The following RNGTT variants were observed in gnomAD, a reference collection of about 807,000 sequenced individuals.
RNGTT encodes RNA guanylyltransferase and 5'-phosphatase.
RNGTT carries 33 observed loss-of-function variants against 79.3 expected under a neutral mutation model. The observed-to-expected ratio is 0.42, with a 90% CI of 0.32 to 0.56. RNGTT has a LOEUF of 0.56. Among genes scored for constraint, RNGTT ranks in the 20% least tolerant of loss-of-function variants. The pLI is 0.17. For missense variants in RNGTT, 497 were observed against 739.1 expected (o/e 0.67, Z 3.80); for synonymous variants, 222 against 235.9 (o/e 0.94, Z 0.54).
intron 13 of RNGTT, among the ~76,000 whole-genome samples, chr6:88,749,935 G>A (rs1159310705): frequency 6.6e-6 from 1 of 152,082 alleles, no homozygotes; most frequent in African/African-American, 2.4e-5. Flanking sequence ...GCAATCCTTT[G>A]TGTTTCTTGA....
At chr6:88,720,625 G>A (rs935212909) in intron 13 of RNGTT, among the ~76,000 whole-genome samples, 2 of 152,096 alleles carry the variant, frequency 1.3e-5, no homozygotes, top group African/African-American at 4.8e-5. Flanking sequence ...TGCCCAGGTT[G>A]TGAATATGGT....
At chr6:88,694,248 A>C (rs537570164) in intron 13 of RNGTT, among the ~76,000 whole-genome samples, 1 of 152,318 alleles carries the variant, frequency 6.6e-6, no homozygotes, top group African/African-American at 2.4e-5. Context: ...ACTAATAAAC[A>C]AATACAGTCA....
chr6:88,698,252 TATATATAA>T (rs1562202241), intron 13 of RNGTT, among the ~76,000 whole-genome samples: 1 of 110,102 alleles, frequency 9.1e-6, no homozygotes, highest in East Asian at 2.2e-4. Flanking sequence ...ATATGAAATA[TATATATAA>T]ATATATATGA....
intron 13 of RNGTT, among the ~76,000 whole-genome samples, chr6:88,750,810 T>C (rs1777816152): frequency 6.6e-6 from 1 of 152,172 alleles, no homozygotes; most frequent in Non-Finnish European, 1.5e-5. Flanking sequence ...CTTGGTCCTA[T>C]TACTAACAAT....
chr6:88,887,047 TA>T (rs754717516), intron 8 of RNGTT, among the ~76,000 whole-genome samples: 742 of 83,480 alleles, frequency 8.9e-3, no homozygotes, highest in African/African-American at 0.023. Context: ...ACAATTTCTT[TA>T]AAAAAAAAAA....
intron 8 of RNGTT, among the ~76,000 whole-genome samples, chr6:88,857,017 G>A (rs1781866396): frequency 6.6e-6 from 1 of 151,980 alleles, no homozygotes; most frequent in East Asian, 1.9e-4. Context: ...ACGTTTCCCA[G>A]ATAGAAAATG....
At chr6:88,842,529 T>C (rs1019798920) in intron 11 of RNGTT, among the ~76,000 whole-genome samples, 1 of 152,158 alleles carries the variant, frequency 6.6e-6, no homozygotes, top group African/African-American at 2.4e-5. Flanking sequence ...AGTATGTTCA[T>C]GTGAGAACAC....
intron 13 of RNGTT, among the ~76,000 whole-genome samples, chr6:88,749,344 A>T (rs2127829456): frequency 6.6e-6 from 1 of 152,268 alleles, no homozygotes; most frequent in Admixed American, 6.5e-5. Context: ...CTTGGAAAGG[A>T]TTACATTTCT....
At chr6:88,758,915 C>T (rs1193843902) in intron 13 of RNGTT, among the ~76,000 whole-genome samples, 2 of 152,028 alleles carry the variant, frequency 1.3e-5, no homozygotes, top group African/African-American at 2.4e-5. Context: ...TTCTGGGGTA[C>T]ATGTGCACAA....
intron 13 of RNGTT, among the ~76,000 whole-genome samples, chr6:88,679,343 G>C (rs1027209109): frequency 1.3e-5 from 2 of 152,134 alleles, no homozygotes; most frequent in African/African-American, 2.4e-5. Context: ...TACACAAAGG[G>C]AGAAACTTAC....
At chr6:88,892,028 C>G (rs1419086119) in intron 6 of RNGTT, 113 bp from the exon 7 acceptor site, 1 of 700,854 alleles carries the variant, frequency 1.4e-6, no homozygotes, top group East Asian at 2.9e-5. Flanking sequence ...CAAATCTTAG[C>G]AAGTCAATAT....
chr6:88,846,384 A>T (rs192579656), intron 10 of RNGTT, among the ~76,000 whole-genome samples: 9 of 152,320 alleles, frequency 5.9e-5, no homozygotes, highest in African/African-American at 1.9e-4. Context: ...GCCTTATTCA[A>T]GTAATCTGGC....
chr6:88,814,270 C>T (rs963695192), intron 11 of RNGTT, among the ~76,000 whole-genome samples: 1 of 152,272 alleles, frequency 6.6e-6, no homozygotes, highest in South Asian at 2.1e-4. Flanking sequence ...ACAGTAATAA[C>T]GTCCTAACTG....
At chr6:88,625,250 A>C (rs1177377638) in intron 14 of RNGTT, among the ~76,000 whole-genome samples, 1 of 151,972 alleles carries the variant, frequency 6.6e-6, no homozygotes, top group Non-Finnish European at 1.5e-5. Flanking sequence ...GATAAATGAA[A>C]ACATTTGTTC....
At chr6:88,737,518 G>A (rs1474856947) in intron 13 of RNGTT, among the ~76,000 whole-genome samples, 1 of 152,184 alleles carries the variant, frequency 6.6e-6, no homozygotes, top group East Asian at 1.9e-4. Context: ...AAATTCATAT[G>A]TTGAAGCCCT....
At chr6:88,722,871 T>A (rs1304912017) in intron 13 of RNGTT, among the ~76,000 whole-genome samples, 1 of 152,226 alleles carries the variant, frequency 6.6e-6, no homozygotes, top group Non-Finnish European at 1.5e-5. Flanking sequence ...GTGCAATGCA[T>A]TATTCACATG....
chr6:88,836,058 T>A (rs977994593), intron 11 of RNGTT, among the ~76,000 whole-genome samples: 1 of 142,788 alleles, frequency 7.0e-6, no homozygotes, highest in Non-Finnish European at 1.5e-5. Context: ...TATATATATA[T>A]AAGATTTACA....
At chr6:88,781,125 T>C (rs910991596) in intron 12 of RNGTT, among the ~76,000 whole-genome samples, 2 of 152,196 alleles carry the variant, frequency 1.3e-5, no homozygotes, top group African/African-American at 2.4e-5. Context: ...GAAGCTAGCA[T>C]TAGTAACGGC....
At chr6:88,926,976 A>G (rs1784339556) in intron 4 of RNGTT, among the ~76,000 whole-genome samples, 1 of 152,178 alleles carries the variant, frequency 6.6e-6, no homozygotes. Flanking sequence ...TACGTTCTCA[A>G]TATATCCCCA....
Sources: allele counts gnomAD v4.1 joint callset (sites outside exome capture counted in the v4.1 genomes callset), GRCh38; gene constraint gnomAD v4.1.1; transcripts MANE v1.5; gene names NCBI Gene and HGNC (gene_info 2026-07-23, HGNC 2026-07-21).